The following OR11A1 variants were observed in gnomAD, a reference collection of about 807,000 sequenced individuals.
OR11A1 encodes olfactory receptor family 11 subfamily A member 1.
For synonymous variants in OR11A1, 158 were observed against 152.2 expected, an observed-to-expected ratio of 1.04 and a Z score of -0.28; for missense variants, 380 against 378.2, an observed-to-expected ratio of 1.00 and a Z score of -0.04.
rs149147283 is a variant in OR11A1 at position 29,429,779 on chromosome 6, G to A, written c.-140+522C>T. On this transcript the variant is annotated intron_variant, in intron 3 of 4. Transcript: ENST00000377149. ...TCTGAAGGAGAATTAGGATTGAGGT[G>A]AAGAATGGGGGAAGACAGGGAGAGA... Among the ~76,000 whole-genome samples, 1,283 of 152,326 alleles carry A rather than the reference G, an allele frequency of 8.4e-3. 19 individuals carry two copies. The highest frequency in any genetic ancestry group is 0.035 in the East Asian group (181 of 5,186).
At chr6:29,440,315 G>A in intron 1 of OR11A1, 2 of 1,614,108 alleles carry the variant, frequency 1.2e-6, no homozygotes, top group Non-Finnish European at 8.5e-7. Context: ...CTCTCCAGAT[G>A]TTCTTCTTCC....
chr6:29,432,764 C>T (rs1473507674), intron 1 of OR11A1, among the ~76,000 whole-genome samples: 2 of 152,014 alleles, frequency 1.3e-5, no homozygotes, highest in East Asian at 3.8e-4. Flanking sequence ...ATTTCTCATC[C>T]CTAGGAGTGT....
intron 1 of OR11A1, among the ~76,000 whole-genome samples, chr6:29,451,203 G>A (rs952053649): frequency 1.3e-5 from 2 of 152,120 alleles, no homozygotes; most frequent in Admixed American, 6.6e-5. Context: ...AAGTCAACTC[G>A]AAGTAAATTA....
intron 1 of OR11A1, among the ~76,000 whole-genome samples, chr6:29,439,064 T>TG (rs1379000772): frequency 1.3e-5 from 2 of 152,220 alleles, no homozygotes; most frequent in African/African-American, 4.8e-5. Flanking sequence ...AGTGTATCTT[T>TG]GGGTGTTTAT....
At chr6:29,451,956 GA>G (rs749649110) in intron 1 of OR11A1, among the ~76,000 whole-genome samples, 4 of 152,086 alleles carry the variant, frequency 2.6e-5, no homozygotes, top group Admixed American at 6.5e-5. Context: ...GACTGGAGAA[GA>G]AAAATGCATG....
intron 1 of OR11A1, among the ~76,000 whole-genome samples, chr6:29,445,629 G>C (rs57994627): frequency 0.098 from 14,856 of 152,088 alleles, 1,350 homozygotes; most frequent in African/African-American, 0.24. Context: ...GTCCCCCTGC[G>C]TTTCTGCTCC....
chr6:29,431,503 T>C (rs1024046738), intron 2 of OR11A1, among the ~76,000 whole-genome samples: 95 of 152,220 alleles, frequency 6.2e-4, no homozygotes, highest in African/African-American at 2.1e-3. Context: ...AAAACATTAG[T>C]ATGAGGGTGT....
At chr6:29,434,032 T>C (rs1432128765) in intron 1 of OR11A1, among the ~76,000 whole-genome samples, 1 of 152,170 alleles carries the variant, frequency 6.6e-6, no homozygotes, top group Non-Finnish European at 1.5e-5. Flanking sequence ...GTTTCCTTGT[T>C]ATTGATTTGT....
At chr6:29,430,680 G>T (rs891353321) in intron 2 of OR11A1, among the ~76,000 whole-genome samples, 4 of 152,168 alleles carry the variant, frequency 2.6e-5, no homozygotes, top group Non-Finnish European at 5.9e-5. Flanking sequence ...GTGGGAAGGG[G>T]TGAGGGATGA....
chr6:29,438,464 A>G (rs1489270973), intron 1 of OR11A1, among the ~76,000 whole-genome samples: 2 of 152,198 alleles, frequency 1.3e-5, no homozygotes, highest in African/African-American at 2.4e-5. Flanking sequence ...ACTGGATTAT[A>G]TCAATATACA....
chr6:29,438,629 G>A (rs1783837971), intron 1 of OR11A1, among the ~76,000 whole-genome samples: 1 of 152,176 alleles, frequency 6.6e-6, no homozygotes, highest in Non-Finnish European at 1.5e-5. Flanking sequence ...TATATTCTTT[G>A]AAATGTTCTT....
rs1377117109 is a variant in OR11A1, at chr6:29,426,764, A to G, written c.878T>C (p.Met293Thr). 6.2e-7 allele frequency: 1 copy of G among 1,613,042 alleles called. No homozygotes were observed. The highest frequency in any genetic ancestry group is 1.7e-5 in the Admixed American group (1 of 60,020). The change falls in exon 5 of 5, where the codon ATG becomes ACG. Residue 293 changes from methionine (M) to threonine (T), a missense_variant. Coordinates refer to ENST00000377149, the MANE Select transcript of OR11A1 (RefSeq NM_001394828.1). ...TPLFNPVIYT[M>T]RNKEVHQALR... is the part of the protein sequence containing the mutation. The stretch of plus-strand genomic sequence containing the variant: ...TGCCTGATGCACCTCCTTGTTCCTC[A>G]TGGTATAGATCACAGGATTGAAGAG...
chr6:29,426,441 C>T lies in OR11A1; in HGVS notation c.*253G>A. 1 of 470,256 alleles carries T rather than the reference C, an allele frequency of 2.1e-6. No homozygotes were observed. Among genetic ancestry groups the T allele is most frequent in the Non-Finnish European group, 3.8e-6 (1 of 266,584 alleles). 29.1% of individuals were successfully genotyped at this position (470,256 alleles called of 1,614,324 possible). On this transcript the variant is annotated 3_prime_UTR_variant, in exon 5 of 5. Transcript: ENST00000377149. ...GATTAATGAGTACTAGGCTTAATAC[C>T]TGGGTGATGAAATAATCTGTACAGT...
At position 29,432,443 on chromosome 6, in the gene OR11A1, A is replaced by C. The variant is rs116512535; in HGVS notation, c.-388-456T>G. Among the ~76,000 whole-genome samples the C allele has an allele frequency of 9.7e-3, 1,477 of 152,094 alleles. 22 individuals are homozygous for C. The highest frequency in any genetic ancestry group is 0.03 in the African/African-American group (1,248 of 41,480). ...AACATCCCTAAATTCCCCATTACCA[A>C]CAGTGGTCCTCCCAGGAGCCTGCCC... On this transcript the variant is annotated intron_variant, in intron 1 of 4. Coordinates refer to ENST00000377149, the MANE Select transcript of OR11A1 (RefSeq NM_001394828.1).
intron 1 of OR11A1, chr6:29,439,685 G>A: frequency 2.8e-6 from 1 of 351,332 alleles, no homozygotes; most frequent in Non-Finnish European, 5.1e-6. Flanking sequence ...TGAAAAGGGA[G>A]CTAGACTGAC....
At chr6:29,429,018 A>G in intron 3 of OR11A1, 58 bp from the exon 4 acceptor site, 1 of 502,282 alleles carries the variant, frequency 2.0e-6, no homozygotes, top group Non-Finnish European at 2.6e-6. Flanking sequence ...AAAGGTAGAG[A>G]AAAAAAGCAG....
chr6:29,443,956 G>T, intron 1 of OR11A1, among the ~76,000 whole-genome samples: 1 of 150,732 alleles, frequency 6.6e-6, no homozygotes, highest in African/African-American at 2.5e-5. Flanking sequence ...AAGACTTAGA[G>T]CCACCAATCA....
At chr6:29,454,973 A>C (rs1399374620) in intron 1 of OR11A1, among the ~76,000 whole-genome samples, 1 of 152,176 alleles carries the variant, frequency 6.6e-6, no homozygotes, top group East Asian at 1.9e-4. Context: ...TATTATATGT[A>C]TGAAAATGAA....
Position 29,427,164 on chromosome 6 carries a change from C to T in OR11A1, c.478G>A (p.Val160Ile). 6.8e-6 allele frequency: 11 copies of T among 1,613,116 alleles called. No homozygotes were observed. Among genetic ancestry groups the T allele is most frequent in the Non-Finnish European group, 7.6e-6 (9 of 1,180,022 alleles). The part of the protein sequence containing the change: ...WLSGFVVDGL[V>I]VALVAQLRFC... ...CTCAGCTGGGCCACCAGGGCCACAACCAGTCCATCTACCACAAATCCAGAG... is the reference window on the plus strand; with the variant it reads ...CTCAGCTGGGCCACCAGGGCCACAATCAGTCCATCTACCACAAATCCAGAG... Residue 160 changes from valine (V) to isoleucine (I), a missense_variant, in exon 5 of 5, where the codon GTT becomes ATT. Coordinates refer to ENST00000377149, the MANE Select transcript of OR11A1 (RefSeq NM_001394828.1).
Sources: allele counts gnomAD v4.1 joint callset (sites outside exome capture counted in the v4.1 genomes callset), GRCh38; gene constraint gnomAD v4.1.1; transcripts MANE v1.5; gene names NCBI Gene and HGNC (gene_info 2026-07-23, HGNC 2026-07-21).